CADM1: variants seen among roughly 807,000 people sequenced by gnomAD.
CADM1 encodes the protein TSLC-1.
In CADM1, 15 loss-of-function variants were observed where a neutral mutation model predicts 53.1. The ratio of observed to expected loss-of-function variants is 0.28; its 90% CI spans 0.19 to 0.44. The LOEUF (loss-of-function observed/expected upper bound fraction) is 0.44, where lower values mean the gene tolerates loss of function less well. Among genes scored for constraint, CADM1 ranks in the 20% least tolerant of loss-of-function variants. The pLI is 1.00. For synonymous variants in CADM1, 281 were observed against 243.0 expected (o/e 1.16, Z -1.45); for missense variants, 434 against 611.3 (o/e 0.71, Z 3.06).
intron 1 of CADM1, among the ~76,000 whole-genome samples, chr11:115,308,524 C>T (rs1944448087): frequency 6.6e-6 from 1 of 151,882 alleles, no homozygotes. Flanking sequence ...TCATGCAAAG[C>T]TGATCTGTGA....
At chr11:115,490,348 T>A (rs1466328804) in intron 1 of CADM1, among the ~76,000 whole-genome samples, 1 of 150,482 alleles carries the variant, frequency 6.6e-6, no homozygotes. Flanking sequence ...GTACCCTTCA[T>A]CAGAATAGGA....
At chr11:115,262,749 A>T (rs1004583116) in intron 1 of CADM1, among the ~76,000 whole-genome samples, 1 of 151,968 alleles carries the variant, frequency 6.6e-6, no homozygotes, top group Non-Finnish European at 1.5e-5. Flanking sequence ...ATGAGGATTC[A>T]TTTTAGGGTT....
intron 1 of CADM1, among the ~76,000 whole-genome samples, chr11:115,463,074 C>G (rs1045720660): frequency 6.6e-6 from 1 of 152,124 alleles, no homozygotes; most frequent in Non-Finnish European, 1.5e-5. Context: ...AGCATGGTCT[C>G]TACCCCTTTA....
intron 10 of CADM1, among the ~76,000 whole-genome samples, chr11:115,188,110 C>G (rs555865159): frequency 6.6e-6 from 1 of 152,334 alleles, no homozygotes; most frequent in African/African-American, 2.4e-5. Flanking sequence ...CCCAAGGCCC[C>G]TCCACTGCTG....
At chr11:115,387,666 T>A (rs1200033937) in intron 1 of CADM1, among the ~76,000 whole-genome samples, 1 of 152,136 alleles carries the variant, frequency 6.6e-6, no homozygotes, top group Non-Finnish European at 1.5e-5. Flanking sequence ...GGGTTTTCAC[T>A]GTGGAAGAAT....
At chr11:115,445,789 G>A in intron 1 of CADM1, 1 of 453,218 alleles carries the variant, frequency 2.2e-6, no homozygotes, top group Non-Finnish European at 4.4e-6. Context: ...AGGCTGCAGT[G>A]AGCCGAGATT....
intron 1 of CADM1, among the ~76,000 whole-genome samples, chr11:115,390,517 G>A (rs1354944556): frequency 6.6e-6 from 1 of 151,830 alleles, no homozygotes; most frequent in African/African-American, 2.4e-5. Flanking sequence ...AGAAAGAAGG[G>A]TAAGAGAAAA....
At chr11:115,450,828 T>C (rs1948555465) in intron 1 of CADM1, among the ~76,000 whole-genome samples, 1 of 152,208 alleles carries the variant, frequency 6.6e-6, no homozygotes, top group Admixed American at 6.5e-5. Flanking sequence ...CTCCTTACGT[T>C]ACCAATCACA....
chr11:115,318,020 A>G (rs1944719664), intron 1 of CADM1, among the ~76,000 whole-genome samples: 1 of 151,534 alleles, frequency 6.6e-6, no homozygotes, highest in Admixed American at 6.6e-5. Context: ...ACACACAATA[A>G]AAGTAAAGCT....
Position 115,329,875 on chromosome 11 carries a change from A to G in CADM1, c.125-89455T>C, listed in dbSNP as rs78654928. ...CTGGAGTTTGACCATTCCATGGACC[A>G]TCTCCTCTCCAGCTATCCCCAGCTG... On this transcript the variant is annotated intron_variant, in intron 1 of 11. Coordinates refer to ENST00000331581, the MANE Select transcript of CADM1 (RefSeq NM_001301043.2). Among the ~76,000 whole-genome samples the G allele has an allele frequency of 9.2e-3, 1,383 of 150,958 alleles. 21 individuals are homozygous for G. The highest frequency in any genetic ancestry group is 0.031 in the African/African-American group (1,275 of 41,112).
chr11:115,298,631 C>T (rs1052738430), intron 1 of CADM1, among the ~76,000 whole-genome samples: 4 of 152,152 alleles, frequency 2.6e-5, no homozygotes, highest in East Asian at 1.9e-4. Context: ...ATTTTACCAG[C>T]GTGGTGAGTT....
chr11:115,487,755 A>G (rs781062970), intron 1 of CADM1, among the ~76,000 whole-genome samples: 9 of 152,218 alleles, frequency 5.9e-5, no homozygotes, highest in Non-Finnish European at 8.8e-5. Flanking sequence ...ACAGGCCTAC[A>G]TGTAATTGTT....
intron 1 of CADM1, among the ~76,000 whole-genome samples, chr11:115,488,510 G>T (rs1403953670): frequency 1.3e-5 from 2 of 152,034 alleles, no homozygotes; most frequent in Non-Finnish European, 2.9e-5. Flanking sequence ...TGTTACAAAC[G>T]CATTTAAAAA....
chr11:115,447,940 G>T (rs1385175339), intron 1 of CADM1, among the ~76,000 whole-genome samples: 3 of 152,148 alleles, frequency 2.0e-5, no homozygotes, highest in Non-Finnish European at 4.4e-5. Flanking sequence ...GGTAATGGTT[G>T]CTCATTAGAT....
intron 1 of CADM1, among the ~76,000 whole-genome samples, chr11:115,427,576 G>A (rs144609831): frequency 6.6e-6 from 1 of 152,168 alleles, no homozygotes. Flanking sequence ...GAAGAATACA[G>A]AAGTTAGCTA....
At chr11:115,489,244 T>C (rs1949440619) in intron 1 of CADM1, among the ~76,000 whole-genome samples, 1 of 152,146 alleles carries the variant, frequency 6.6e-6, no homozygotes, top group Admixed American at 6.5e-5. Context: ...ACACTAGAAG[T>C]CATTCCTTCA....
intron 1 of CADM1, among the ~76,000 whole-genome samples, chr11:115,414,955 G>C (rs534939287): frequency 1.3e-5 from 2 of 152,124 alleles, no homozygotes; most frequent in Non-Finnish European, 2.9e-5. Context: ...ACCTTTTCTA[G>C]GCATCAATTA....
At chr11:115,380,616 C>A (rs1207065620) in intron 1 of CADM1, among the ~76,000 whole-genome samples, 1 of 152,186 alleles carries the variant, frequency 6.6e-6, no homozygotes, top group Middle Eastern at 3.2e-3. Flanking sequence ...TCCCTTGCAA[C>A]TTTTAAATAC....
chr11:115,500,152 C>A lies in CADM1; in HGVS notation c.124+4119G>T, dbSNP rs1373782936. Among the ~76,000 whole-genome samples the A allele has an allele frequency of 4.6e-5, 7 of 152,320 alleles. No homozygotes were observed. In the East Asian group the frequency reaches 9.6e-4, roughly 21 times the overall value. The stretch of plus-strand genomic sequence containing the variant: ...CAGCATAATGGTCAAAACTATTCTT[C>A]CCAAGAAAAACGTACAGCATTTGAA... On this transcript the variant is annotated intron_variant, in intron 1 of 11. Coordinates refer to ENST00000331581, the MANE Select transcript of CADM1 (RefSeq NM_001301043.2).
Sources: gnomAD v4.1 joint callset for allele counts (sites outside exome capture counted in the v4.1 genomes callset) on GRCh38, gnomAD v4.1.1 for gene constraint, MANE v1.5 for transcripts, NCBI Gene and HGNC (gene_info 2026-07-23, HGNC 2026-07-21) for gene names.